EPS8: variants seen among roughly 807,000 people sequenced by gnomAD.
The protein encoded by EPS8 is epidermal growth factor receptor kinase substrate 8.
In EPS8, 42 loss-of-function variants were observed where a neutral mutation model predicts 103.8. That is an observed-to-expected ratio of 0.40 (90% CI 0.32 to 0.52). EPS8 has a LOEUF of 0.52. EPS8 is among the 20% of genes least tolerant of loss of function. The probability of loss-of-function intolerance (pLI) is 0.40; values close to 1 mark genes in which losing one functional copy is unlikely to be tolerated. For synonymous variants in EPS8, 344 were observed against 344.6 expected (o/e 1.00, Z 0.02); for missense variants, 969 against 1,005.1 (o/e 0.96, Z 0.49).
In EPS8 at chr12:15,702,899, C is replaced by T. The variant is rs1946329343; in HGVS notation, c.-21-19927G>A. Among the ~76,000 whole-genome samples the T allele has an allele frequency of 6.6e-6, 1 of 152,112 alleles. No homozygotes were observed. The highest frequency in any genetic ancestry group is 2.1e-4 in the South Asian group (1 of 4,818). On this transcript the variant is annotated intron_variant, in intron 1 of 20. Coordinates refer to ENST00000281172, the MANE Select transcript of EPS8 (RefSeq NM_004447.6). The surrounding 1 kb of genome is among the most constrained non-coding windows in gnomAD (Gnocchi z 5.1). ...GGCGCGGTGGCTCAGGCCTTTAATC[C>T]CAGCACTTTGGGAGGCCGAGGTGGG...
At chr12:15,686,778 G>A (rs558499350) in intron 1 of EPS8, among the ~76,000 whole-genome samples, 1 of 152,200 alleles carries the variant, frequency 6.6e-6, no homozygotes, top group South Asian at 2.1e-4. Flanking sequence ...ATTGGTAGAT[G>A]AGTATGTAGT....
chr12:15,692,399 T>C (rs1276294780), intron 1 of EPS8, among the ~76,000 whole-genome samples: 1 of 150,630 alleles, frequency 6.6e-6, no homozygotes, highest in Non-Finnish European at 1.5e-5. Flanking sequence ...TGCTGAATGT[T>C]AGGGGCCACT....
chr12:15,711,549 C>A (rs988179665), intron 1 of EPS8, among the ~76,000 whole-genome samples: 2 of 152,164 alleles, frequency 1.3e-5, no homozygotes, highest in Non-Finnish European at 2.9e-5. Context: ...AAATATTTTA[C>A]ATACCATTCC....
Position 15,778,453 on chromosome 12 carries a change from C to T in EPS8, c.-22+10708G>A, listed in dbSNP as rs1216213486. ...AAGAACTACTGACAAAATTAATGTT[C>T]TCTCGACTAAAAGGATCTTGATGTG... On this transcript the variant is annotated intron_variant, in intron 1 of 20. Transcript: ENST00000281172. This position sits in a 1 kb window ranked among gnomAD's most constrained non-coding sequence, Gnocchi z 4.5. Among the ~76,000 whole-genome samples the T allele has an allele frequency of 6.6e-6, 1 of 152,178 alleles. No homozygotes were observed. The highest frequency in any genetic ancestry group is 2.4e-5 in the African/African-American group (1 of 41,446).
In EPS8 at chr12:15,657,856, C is replaced by T. The variant is rs888740263; in HGVS notation, c.1101+223G>A. 3 of 480,114 alleles carry T rather than the reference C, an allele frequency of 6.2e-6. No individual in the cohort carries two copies. In the East Asian group the frequency reaches 1.2e-4, roughly 20 times the overall value. The allele number at this position is 480,114 out of a possible 1,614,324, so 29.7% of individuals were successfully genotyped here. A position where few individuals can be genotyped will look rare whatever the true frequency, so the allele number is the denominator to read the frequency against. The stretch of plus-strand genomic sequence containing the variant: ...TTTCTTTTCATATCCCTAGCACTGT[C>T]AGAGATACCAGTTTCCTCAACTATA... On this transcript the variant is annotated intron_variant, in intron 12 of 20. Transcript: ENST00000281172.
At chr12:15,675,437 T>TA (rs1220729816) in intron 3 of EPS8, among the ~76,000 whole-genome samples, 1 of 152,068 alleles carries the variant, frequency 6.6e-6, no homozygotes, top group Non-Finnish European at 1.5e-5. Flanking sequence ...CTGTCTCCAC[T>TA]AAAAATACCA....
chr12:15,737,360 G>GA (rs1169425243), intron 1 of EPS8, among the ~76,000 whole-genome samples: 1 of 151,908 alleles, frequency 6.6e-6, no homozygotes, highest in African/African-American at 2.4e-5. Flanking sequence ...AAATAGTTTA[G>GA]AAAAAATATA....
chr12:15,686,969 C>A (rs544459467), intron 1 of EPS8, among the ~76,000 whole-genome samples: 1 of 152,020 alleles, frequency 6.6e-6, no homozygotes, highest in Non-Finnish European at 1.5e-5. Context: ...GTCTAGGTTT[C>A]AATTTAATTT....
At chr12:15,634,733 G>T (rs1434976426) in intron 17 of EPS8, 5 of 398,688 alleles carry the variant, frequency 1.3e-5, no homozygotes, top group African/African-American at 1.0e-4. Context: ...AACGAATGTG[G>T]GTTACCTCTG....
chr12:15,660,667 G>C lies in EPS8; in HGVS notation c.884C>G (p.Ser295Cys), dbSNP rs768018640. 1 of 1,610,190 alleles carries C rather than the reference G, an allele frequency of 6.2e-7. No homozygotes were observed. The highest frequency in any genetic ancestry group is 1.1e-5 in the South Asian group (1 of 90,906). The change falls in exon 10 of 21, where the codon TCT becomes TGT. Residue 295 changes from serine to cysteine, a missense_variant. By Grantham distance (112) the Ser-to-Cys change is moderately radical. Coordinates refer to ENST00000281172, the MANE Select transcript of EPS8 (RefSeq NM_004447.6). ...TKLQKAAEAF[S>C]ELSKRKKNKK... ...GTTTTTCTTCCTTTTAGAAAGCTCA[G>C]AAAATGCTTCTGCTGCTTTTTGGAG... is the stretch of plus-strand genomic sequence containing the variant.
At position 15,762,645 on chromosome 12, in the gene EPS8, G is replaced by A. The variant is rs1947053727; in HGVS notation, c.-22+26516C>T. On this transcript the variant is annotated intron_variant, in intron 1 of 20. Coordinates refer to ENST00000281172, the MANE Select transcript of EPS8 (RefSeq NM_004447.6). The surrounding 1 kb of genome is among the most constrained non-coding windows in gnomAD (Gnocchi z 4.8). ...TGCAACAATACAGGTGGAACTGGAA[G>A]TCATTACGTTAAGTGAAATAAGCCA... Among the ~76,000 whole-genome samples, 1 of 152,138 alleles carries A rather than the reference G, an allele frequency of 6.6e-6. No homozygotes were observed. Among genetic ancestry groups the A allele is most frequent in the Non-Finnish European group, 1.5e-5 (1 of 68,030 alleles).
intron 12 of EPS8, among the ~76,000 whole-genome samples, chr12:15,657,234 T>G (rs1172300337): frequency 6.6e-6 from 1 of 152,202 alleles, no homozygotes; most frequent in Non-Finnish European, 1.5e-5. Context: ...ACGTTAACTA[T>G]TCTTCGTCTG....
chr12:15,631,741 G>T, intron 17 of EPS8, 77 bp from the exon 18 acceptor site: 2 of 1,122,542 alleles, frequency 1.8e-6, no homozygotes, highest in Admixed American at 2.6e-5. Context: ...TACTTTGATA[G>T]GACATTGTTG....
In EPS8 at chr12:15,762,129, G is replaced by C. The variant is rs1947048168; in HGVS notation, c.-22+27032C>G. On this transcript the variant is annotated intron_variant, in intron 1 of 20. Coordinates refer to ENST00000281172, the MANE Select transcript of EPS8 (RefSeq NM_004447.6). The surrounding 1 kb of genome is among the most constrained non-coding windows in gnomAD (Gnocchi z 4.8). The stretch of plus-strand genomic sequence containing the variant: ...CATTCAAAAAATGGGCAAAATATTT[G>C]AATAGAAATTTCTCAAAGGAAGACA... 2.0e-5 allele frequency among the ~76,000 whole-genome samples: 3 copies of C among 152,142 alleles called. No homozygotes were observed. The highest frequency in any genetic ancestry group is 2.0e-4 in the Admixed American group (3 of 15,272).
chr12:15,749,673 A>G lies in EPS8; in HGVS notation c.-22+39488T>C, dbSNP rs1017489999. ...GTAGGAAGAAAAATTAACCTAATCA[A>G]AACAACATATATCATATTGTTCATA... On this transcript the variant is annotated intron_variant, in intron 1 of 20. Transcript: ENST00000281172. This position sits in a 1 kb window ranked among gnomAD's most constrained non-coding sequence, Gnocchi z 4.0. Among the ~76,000 whole-genome samples, 1 of 152,208 alleles carries G rather than the reference A, an allele frequency of 6.6e-6. No individual in the cohort carries two copies. Among genetic ancestry groups the G allele is most frequent in the Non-Finnish European group, 1.5e-5 (1 of 68,034 alleles).
At chr12:15,667,107 G>A (rs1223910591) in intron 6 of EPS8, among the ~76,000 whole-genome samples, 5 of 152,140 alleles carry the variant, frequency 3.3e-5, no homozygotes, top group Admixed American at 6.5e-5. Flanking sequence ...GGGGAGCAAC[G>A]TGAGATTAGC....
At chr12:15,783,938 G>A (rs1947285324) in intron 1 of EPS8, among the ~76,000 whole-genome samples, 1 of 151,704 alleles carries the variant, frequency 6.6e-6, no homozygotes, top group African/African-American at 2.4e-5. Context: ...ACTTGTGCTG[G>A]TACAACTAGG....
At position 15,654,343 on chromosome 12, in the gene EPS8, T is replaced by C. The variant is rs1169577548; in HGVS notation, c.1102-50A>G. Reference sequence around the variant, plus strand: ...CAAGAAGATTACTATTCTTTGTGTATTTTCAAAATGTGTGGACAAAAACCC... The same window carrying C: ...CAAGAAGATTACTATTCTTTGTGTACTTTCAAAATGTGTGGACAAAAACCC... On this transcript the variant is annotated intron_variant, in intron 12 of 20. Transcript: ENST00000281172. The C allele has an allele frequency of 1.9e-6, 3 of 1,566,030 alleles. No individual in the cohort carries two copies. The African/African-American group carries it at 4.1e-5, about 21-fold the overall frequency.
At chr12:15,665,721 A>C in intron 8 of EPS8, 35 bp downstream of exon 8, 1 of 1,610,256 alleles carries the variant, frequency 6.2e-7, no homozygotes, top group Non-Finnish European at 8.5e-7. Context: ...ACCCAAAGTA[A>C]GTGTTCAATA....
Sources: gnomAD v4.1 joint callset for allele counts (sites outside exome capture counted in the v4.1 genomes callset) on GRCh38, gnomAD v4.1.1 for gene constraint, Gnocchi (gnomAD v3.1) non-coding constraint, MANE v1.5 for transcripts, NCBI Gene and HGNC (gene_info 2026-07-23, HGNC 2026-07-21) for gene names.